APCDD1: variants seen among roughly 807,000 people sequenced by gnomAD.
APCDD1 encodes APC down-regulated 1.
A neutral mutation model predicts 38.1 loss-of-function variants in APCDD1; 15 were observed. The observed-to-expected ratio is 0.39, with a 90% CI of 0.26 to 0.61. The LOEUF (loss-of-function observed/expected upper bound fraction) is 0.61, where lower values mean the gene tolerates loss of function less well. Among genes scored for constraint, APCDD1 ranks in the 20% least tolerant of loss-of-function variants. The pLI is 0.49. For synonymous variants in APCDD1, 261 were observed against 279.7 expected (o/e 0.93, Z 0.67); for missense variants, 647 against 696.2 (o/e 0.93, Z 0.79).
At chr18:10,459,120 A>G (rs1568000570) in intron 1 of APCDD1, among the ~76,000 whole-genome samples, 2 of 152,208 alleles carry the variant, frequency 1.3e-5, no homozygotes. Flanking sequence ...TTCATCTATG[A>G]GGGCCTACTA....
In APCDD1 at chr18:10,475,243, T is replaced by G. The variant is rs775603504; in HGVS notation, c.774+3182T>G. Among the ~76,000 whole-genome samples, 80 of 152,282 alleles carry G rather than the reference T, an allele frequency of 5.3e-4. 1 individual carries two copies. Among genetic ancestry groups the G allele is most frequent in the Admixed American group, 5.9e-4 (9 of 15,298 alleles). Reference sequence around the variant, plus strand: ...TTCATGATGCCTAGCCATAAAACACTTCCTCCCATTTTCTCCTCCCTGCTC... The same window carrying G: ...TTCATGATGCCTAGCCATAAAACACGTCCTCCCATTTTCTCCTCCCTGCTC... On this transcript the variant is annotated intron_variant, in intron 3 of 4. Transcript: ENST00000355285. The surrounding 1 kb of genome is among the most constrained non-coding windows in gnomAD (Gnocchi z 4.0).
Position 10,488,328 on chromosome 18 carries a change from A to C in APCDD1, c.*290A>C. 2.7e-6 allele frequency: 1 copy of C among 370,782 alleles called. No homozygotes were observed. Among genetic ancestry groups the C allele is most frequent in the Non-Finnish European group, 4.8e-6 (1 of 209,158 alleles). 23.0% of individuals were successfully genotyped at this position (370,782 alleles called of 1,614,324 possible). A position where few individuals can be genotyped will look rare whatever the true frequency, so the allele number is the denominator to read the frequency against. On this transcript the variant is annotated 3_prime_UTR_variant, in exon 5 of 5. Transcript: ENST00000355285. ...ACGAGCGTGTTTGGTAGCAGGGATG[A>C]AAGCTAGGGCCTCTTATTTTTTTCT...
At chr18:10,483,798 C>G (rs1017524004) in intron 3 of APCDD1, among the ~76,000 whole-genome samples, 1 of 152,254 alleles carries the variant, frequency 6.6e-6, no homozygotes, top group Non-Finnish European at 1.5e-5. Flanking sequence ...CTACCAACTT[C>G]TACCTCCCTA....
At chr18:10,482,169 C>G (rs2031156822) in intron 3 of APCDD1, among the ~76,000 whole-genome samples, 1 of 152,204 alleles carries the variant, frequency 6.6e-6, no homozygotes, top group South Asian at 2.1e-4. Context: ...CTTAGAAGCT[C>G]TCTGAGCTCT....
At chr18:10,484,980 T>G (rs910345829) in intron 3 of APCDD1, among the ~76,000 whole-genome samples, 5 of 152,170 alleles carry the variant, frequency 3.3e-5, no homozygotes, top group Admixed American at 2.0e-4. Flanking sequence ...GTTTTGTTGT[T>G]TTTTGTTTTG....
At chr18:10,481,903 A>G (rs1568007438) in intron 3 of APCDD1, among the ~76,000 whole-genome samples, 1 of 152,154 alleles carries the variant, frequency 6.6e-6, no homozygotes, top group Non-Finnish European at 1.5e-5. Context: ...TTCAGCCAGG[A>G]CCATCAACCT....
intron 3 of APCDD1, among the ~76,000 whole-genome samples, chr18:10,474,865 A>C (rs1033346380): frequency 1.3e-5 from 2 of 152,210 alleles, no homozygotes; most frequent in Non-Finnish European, 2.9e-5. Flanking sequence ...TTGGCATGGC[A>C]ATTAAAGACA....
At chr18:10,479,026 C>T (rs1007942353) in intron 3 of APCDD1, among the ~76,000 whole-genome samples, 2 of 152,190 alleles carry the variant, frequency 1.3e-5, no homozygotes, top group Non-Finnish European at 2.9e-5. Context: ...GTGCAACTCT[C>T]TCCTGGATGT....
chr18:10,454,845 G>A lies in APCDD1; in HGVS notation c.-137G>A. 1 of 1,048,966 alleles carries A rather than the reference G, an allele frequency of 9.5e-7. No homozygotes were observed. The highest frequency in any genetic ancestry group is 1.1e-6 in the Non-Finnish European group (1 of 871,942). 65.0% of individuals were successfully genotyped at this position (1,048,966 alleles called of 1,614,324 possible). On this transcript the variant is annotated 5_prime_UTR_variant, in exon 1 of 5. An upstream start codon of the reference 5' UTR is lost. Transcript: ENST00000355285. ...GCCCCGCGCCTAGCCCGCCGGGCAT[G>A]GGGCGCGCGGCAGCCGCCTGAAGCC... is the stretch of plus-strand genomic sequence containing the variant.
intron 3 of APCDD1, among the ~76,000 whole-genome samples, chr18:10,482,678 A>G (rs939396721): frequency 9.2e-5 from 14 of 152,174 alleles, no homozygotes; most frequent in Non-Finnish European, 1.6e-4. Context: ...AGCCAGTGTC[A>G]GAGGGGGTGT....
intron 3 of APCDD1, chr18:10,477,744 A>C (rs767096607): frequency 2.6e-5 from 4 of 152,252 alleles, no homozygotes; most frequent in Non-Finnish European, 5.9e-5. Flanking sequence ...AGAAAGGAAG[A>C]GGATGGGCCA....
rs1443252192 is a variant in APCDD1 at position 10,469,697 on chromosome 18, G to A, written c.242+1045G>A. Among the ~76,000 whole-genome samples the A allele has an allele frequency of 1.3e-5, 2 of 152,294 alleles. No homozygotes were observed. The highest frequency in any genetic ancestry group is 2.4e-5 in the African/African-American group (1 of 41,564). On this transcript the variant is annotated intron_variant, in intron 2 of 4. Coordinates refer to ENST00000355285, the MANE Select transcript of APCDD1 (RefSeq NM_153000.5). The surrounding 1 kb of genome is among the most constrained non-coding windows in gnomAD (Gnocchi z 5.5). ...GGGGGCCCCATTTTAAAATCAGGGC[G>A]GAGTTCAGAAAGCCTACCAAAGAAG...
chr18:10,483,527 G>A (rs1002270751), intron 3 of APCDD1, among the ~76,000 whole-genome samples: 6 of 152,254 alleles, frequency 3.9e-5, no homozygotes, highest in Admixed American at 6.5e-5. Flanking sequence ...GTGAGCAGCA[G>A]CTGGGAAGCC....
chr18:10,468,452 C>T lies in APCDD1; in HGVS notation c.59-17C>T. 6.2e-7 allele frequency: 1 copy of T among 1,614,104 alleles called. No individual in the cohort carries two copies. The highest frequency in any genetic ancestry group is 1.1e-5 in the South Asian group (1 of 91,078). ...GCTACTTCTTCTTTTGGCTAACTTT[C>T]CACCTTTATTTTTCAGGGCTGGGAG... On this transcript the variant is annotated splice_polypyrimidine_tract_variant and intron_variant, in intron 1 of 4. Transcript: ENST00000355285.
In APCDD1 at chr18:10,455,043, A is replaced by G; in HGVS notation, c.58+4A>G. The G allele has an allele frequency of 6.4e-7, 1 of 1,562,786 alleles. No individual in the cohort carries two copies. The highest frequency in any genetic ancestry group is 1.2e-5 in the South Asian group (1 of 84,938). ...TTCCCGGCCCTCCTGCTTCACGGTG[A>G]GTTCCCGAGGGCCACTCGAGCGCTC... On this transcript the variant is annotated splice_donor_region_variant and intron_variant, in intron 1 of 4. Transcript: ENST00000355285.
rs2031307341 is a variant in APCDD1 at position 10,488,668 on chromosome 18, A to G, written c.*630A>G. The G allele has an allele frequency of 6.6e-6, 1 of 152,340 alleles. No homozygotes were observed. The highest frequency in any genetic ancestry group is 2.1e-4 in the South Asian group (1 of 4,826). 9.4% of individuals were successfully genotyped at this position (152,340 alleles called of 1,614,324 possible). ...TTTCAGAAATGTTGCGTGGAAAAGT[A>G]TCTGTAATTAAAGTTTCGAAGTAAT... is the stretch of plus-strand genomic sequence containing the variant. On this transcript the variant is annotated 3_prime_UTR_variant, in exon 5 of 5. Coordinates refer to ENST00000355285, the MANE Select transcript of APCDD1 (RefSeq NM_153000.5).
rs1346008761 is a variant in APCDD1, at chr18:10,487,842, A to G, written c.1349A>G (p.Asp450Gly). 4.3e-6 allele frequency: 7 copies of G among 1,613,878 alleles called. No homozygotes were observed. In the East Asian group the frequency reaches 1.6e-4, roughly 36 times the overall value. ...GQRPSDGSSPDRPEKRATSYQ... is the reference protein window; with the variant it reads ...GQRPSDGSSPGRPEKRATSYQ... The stretch of plus-strand genomic sequence containing the variant: ...AGGCCCAGCGACGGGTCCAGCCCAG[A>G]CAGGCCAGAGAAGAGAGCCACGTCC... The change falls in exon 5 of 5, where the codon GAC becomes GGC. Residue 450 changes from aspartate to glycine, a missense_variant. By Grantham distance (94) the Asp-to-Gly change is moderately conservative. Coordinates refer to ENST00000355285, the MANE Select transcript of APCDD1 (RefSeq NM_153000.5).
In APCDD1 at chr18:10,472,177, G is replaced by A; in HGVS notation, c.774+116G>A. 1 of 1,441,256 alleles carries A rather than the reference G, an allele frequency of 6.9e-7. No individual in the cohort carries two copies. The highest frequency in any genetic ancestry group is 9.6e-7 in the Non-Finnish European group (1 of 1,040,328). 89.3% of individuals were successfully genotyped at this position (1,441,256 alleles called of 1,614,324 possible). A position where few individuals can be genotyped will look rare whatever the true frequency, so the allele number is the denominator to read the frequency against. ...AAGGGGGAATTCTGCATCATGGCGG[G>A]GCAGGCCAAGGTGGGGCTGCTGCGA... is the stretch of plus-strand genomic sequence containing the variant. On this transcript the variant is annotated intron_variant, in intron 3 of 4. Coordinates refer to ENST00000355285, the MANE Select transcript of APCDD1 (RefSeq NM_153000.5). The surrounding 1 kb of genome is among the most constrained non-coding windows in gnomAD (Gnocchi z 6.6).
intron 1 of APCDD1, among the ~76,000 whole-genome samples, chr18:10,460,862 T>G (rs1197296013): frequency 6.6e-6 from 1 of 152,188 alleles, no homozygotes; most frequent in Non-Finnish European, 1.5e-5. Flanking sequence ...AGAAGTACTG[T>G]GTGTGTTCCC....
Sources: allele counts gnomAD v4.1 joint callset (sites outside exome capture counted in the v4.1 genomes callset), GRCh38; gene constraint gnomAD v4.1.1; non-coding constraint Gnocchi (gnomAD v3.1); transcripts MANE v1.5; gene names NCBI Gene and HGNC (gene_info 2026-07-23, HGNC 2026-07-21).